PTPRG: variants seen among roughly 807,000 people sequenced by gnomAD.
The protein encoded by PTPRG is protein tyrosine phosphatase receptor type G.
Under a neutral mutation model 165.3 loss-of-function variants are expected in PTPRG, and 102 were observed. The ratio of observed to expected loss-of-function variants is 0.62; its 90% CI spans 0.53 to 0.73. PTPRG has a LOEUF of 0.73. Among genes scored for constraint, PTPRG ranks in the 30% least tolerant of loss-of-function variants. PTPRG has a pLI of 0.00. For synonymous variants in PTPRG, 675 were observed against 669.5 expected (o/e 1.01, Z -0.13); for missense variants, 1,866 against 1,861.4 (o/e 1.00, Z -0.05).
intron 4 of PTPRG, among the ~76,000 whole-genome samples, chr3:62,061,860 C>T (rs1391218206): frequency 6.6e-6 from 1 of 151,548 alleles, no homozygotes; most frequent in African/African-American, 2.4e-5. Context: ...GAACTCATGA[C>T]GTCGGGTGAT....
intron 6 of PTPRG, among the ~76,000 whole-genome samples, chr3:62,155,521 T>A (rs2106693406): frequency 6.6e-6 from 1 of 152,364 alleles, no homozygotes; most frequent in African/African-American, 2.4e-5. Context: ...TTAAATAAAT[T>A]AATCTTTATA....
chr3:61,837,700 A>G (rs891335194), intron 2 of PTPRG, among the ~76,000 whole-genome samples: 14 of 152,170 alleles, frequency 9.2e-5, no homozygotes, highest in African/African-American at 3.1e-4. Flanking sequence ...TCACTGATCA[A>G]TTTTGAGGGA....
intron 2 of PTPRG, among the ~76,000 whole-genome samples, chr3:61,817,401 A>G (rs1216976786): frequency 6.6e-6 from 1 of 151,350 alleles, no homozygotes; most frequent in East Asian, 1.9e-4. Context: ...TAAGAAAAAT[A>G]AAATATTTAG....
chr3:61,880,641 AAAAG>A (rs2037862143), intron 2 of PTPRG, among the ~76,000 whole-genome samples: 1 of 151,486 alleles, frequency 6.6e-6, no homozygotes, highest in Non-Finnish European at 1.5e-5. Context: ...AAAAAAAAAA[AAAAG>A]AGAGAGACCT....
chr3:61,828,128 C>G (rs2036166089), intron 2 of PTPRG, among the ~76,000 whole-genome samples: 1 of 152,158 alleles, frequency 6.6e-6, no homozygotes, highest in Non-Finnish European at 1.5e-5. Context: ...TTTTAGTCTT[C>G]TACATGCCCT....
chr3:61,917,352 T>C (rs942234559), intron 2 of PTPRG, among the ~76,000 whole-genome samples: 7 of 152,174 alleles, frequency 4.6e-5, no homozygotes, highest in Non-Finnish European at 7.4e-5. Flanking sequence ...ATCGTTTTGG[T>C]ACCTTGGAAT....
intron 24 of PTPRG, among the ~76,000 whole-genome samples, 157 bp downstream of exon 24, chr3:62,276,123 A>AT (rs1702226720): frequency 6.6e-6 from 1 of 152,130 alleles, no homozygotes; most frequent in Admixed American, 6.6e-5. Context: ...TAGTAACCTC[A>AT]TTAATGTATG....
intron 2 of PTPRG, among the ~76,000 whole-genome samples, chr3:61,833,785 G>A (rs967302652): frequency 2.0e-5 from 3 of 152,190 alleles, no homozygotes; most frequent in African/African-American, 4.8e-5. Flanking sequence ...GGCTGGTTTC[G>A]AACTCCTGAG....
At chr3:61,818,736 A>G (rs1381122555) in intron 2 of PTPRG, among the ~76,000 whole-genome samples, 1 of 152,170 alleles carries the variant, frequency 6.6e-6, no homozygotes, top group East Asian at 1.9e-4. Context: ...AATATGTGTG[A>G]TAGGAGTCCT....
chr3:61,816,950 G>A lies in PTPRG; in HGVS notation c.190+67968G>A, dbSNP rs72880462. Among the ~76,000 whole-genome samples, 830 of 141,766 alleles carry A rather than the reference G, an allele frequency of 5.9e-3. 6 individuals carry two copies. The highest frequency in any genetic ancestry group is 0.021 in the African/African-American group (798 of 38,290). The allele number at this position is 141,766 out of a possible 152,430, so 93.0% of individuals were successfully genotyped here. A position where few individuals can be genotyped will look rare whatever the true frequency, so the allele number is the denominator to read the frequency against. Reference sequence around the variant, plus strand: ...TATAATGCTATGAAGCTTTTTGGTAGTACCTGAGAGTTTCAGTAATCACTT... The same window carrying A: ...TATAATGCTATGAAGCTTTTTGGTAATACCTGAGAGTTTCAGTAATCACTT... On this transcript the variant is annotated intron_variant, in intron 2 of 29. Transcript: ENST00000474889.
chr3:62,120,789 G>T (rs1458357469), intron 5 of PTPRG, among the ~76,000 whole-genome samples: 1 of 151,930 alleles, frequency 6.6e-6, no homozygotes, highest in Non-Finnish European at 1.5e-5. Flanking sequence ...AAAGATTGGG[G>T]TGTGGGTAGA....
intron 5 of PTPRG, among the ~76,000 whole-genome samples, chr3:62,117,081 GC>G (rs1315351358): frequency 1.1e-4 from 17 of 152,150 alleles, no homozygotes; most frequent in Non-Finnish European, 2.4e-4. Context: ...TATGACACTT[GC>G]AGAAGAACGT....
At chr3:61,662,222 G>A (rs542126223) in intron 1 of PTPRG, among the ~76,000 whole-genome samples, 2 of 152,308 alleles carry the variant, frequency 1.3e-5, no homozygotes, top group African/African-American at 2.4e-5. Context: ...CATGTCTCCT[G>A]ATGAACATAA....
At chr3:61,898,329 A>G (rs2038414867) in intron 2 of PTPRG, among the ~76,000 whole-genome samples, 1 of 152,172 alleles carries the variant, frequency 6.6e-6, no homozygotes, top group Admixed American at 6.5e-5. Context: ...TGCTGGGATT[A>G]CAGGTGTGAG....
chr3:61,879,290 C>G (rs940789850), intron 2 of PTPRG, among the ~76,000 whole-genome samples: 2 of 152,134 alleles, frequency 1.3e-5, no homozygotes, highest in African/African-American at 4.8e-5. Flanking sequence ...TCTCTGCGTC[C>G]TCACGATCAG....
intron 4 of PTPRG, among the ~76,000 whole-genome samples, chr3:62,076,835 C>T (rs1382660951): frequency 6.6e-6 from 1 of 152,204 alleles, no homozygotes; most frequent in African/African-American, 2.4e-5. Context: ...CCCGCCACAG[C>T]CTCCCAAAGT....
intron 2 of PTPRG, among the ~76,000 whole-genome samples, chr3:61,887,719 TA>T (rs36124010): frequency 0.46 from 66,788 of 146,234 alleles, 16,652 homozygotes; most frequent in African/African-American, 0.7. Flanking sequence ...TTCAGTAAGT[TA>T]AAAAAAAAAA....
At chr3:61,796,343 A>G (rs2035043204) in intron 2 of PTPRG, among the ~76,000 whole-genome samples, 1 of 152,158 alleles carries the variant, frequency 6.6e-6, no homozygotes, top group East Asian at 1.9e-4. Flanking sequence ...AGCAAAGATT[A>G]TTGATATGTT....
At chr3:62,248,771 T>G (rs753798802) in intron 15 of PTPRG, among the ~76,000 whole-genome samples, 45 of 152,208 alleles carry the variant, frequency 3.0e-4, no homozygotes, top group Non-Finnish European at 5.1e-4. Flanking sequence ...CTCTGGAAAT[T>G]AGAAAATCTA....
Sources: gnomAD v4.1 joint callset for allele counts (sites outside exome capture counted in the v4.1 genomes callset) on GRCh38, gnomAD v4.1.1 for gene constraint, MANE v1.5 for transcripts, NCBI Gene and HGNC (gene_info 2026-07-23, HGNC 2026-07-21) for gene names.